Variants in HSD17B11 observed in about 807,000 individuals in gnomAD.
HSD17B11 encodes hydroxysteroid 17-beta dehydrogenase 11, also known as estradiol 17-beta-dehydrogenase 11.
In HSD17B11, 22 loss-of-function variants were observed where a neutral mutation model predicts 27.8. The ratio of observed to expected loss-of-function variants is 0.79; its 90% CI spans 0.56 to 1.13. The LOEUF (loss-of-function observed/expected upper bound fraction) is 1.13, where lower values mean the gene tolerates loss of function less well. Ranked by LOEUF, HSD17B11 falls within the 50% of genes most tolerant of loss-of-function variation. HSD17B11 has a pLI of 0.00. For synonymous variants in HSD17B11, 117 were observed against 132.8 expected, an observed-to-expected ratio of 0.88 and a Z score of 0.82; for missense variants, 314 against 351.1, an observed-to-expected ratio of 0.89 and a Z score of 0.84.
chr4:87,363,895 A>G (rs1218281886), intron 4 of HSD17B11, among the ~76,000 whole-genome samples: 4 of 152,170 alleles, frequency 2.6e-5, no homozygotes, highest in Non-Finnish European at 4.4e-5. Context: ...CCTTCTTCTA[A>G]GCACCTAGGA....
chr4:87,388,156 G>T (rs1578049720), intron 1 of HSD17B11, among the ~76,000 whole-genome samples: 1 of 115,540 alleles, frequency 8.7e-6, no homozygotes, highest in Non-Finnish European at 1.7e-5. Context: ...AATCTTTCTA[G>T]TAGTCACACC....
intron 3 of HSD17B11, 100 bp downstream of exon 3, chr4:87,374,598 AC>A: frequency 1.7e-6 from 2 of 1,144,592 alleles, no homozygotes; most frequent in South Asian, 2.9e-5. Context: ...CCTGGAGAAA[AC>A]TTTAGCATTG....
At chr4:87,377,200 C>T (rs1192427955) in intron 2 of HSD17B11, among the ~76,000 whole-genome samples, 1 of 151,828 alleles carries the variant, frequency 6.6e-6, no homozygotes, top group African/African-American at 2.4e-5. Context: ...ACCTGTAATC[C>T]CAGCACTTTG....
chr4:87,375,862 T>C (rs1402337175), intron 2 of HSD17B11, among the ~76,000 whole-genome samples: 4 of 152,234 alleles, frequency 2.6e-5, no homozygotes, highest in Non-Finnish European at 2.9e-5. Context: ...TTCTGTTCTG[T>C]TGTTCAATCG....
intron 2 of HSD17B11, among the ~76,000 whole-genome samples, chr4:87,380,966 A>G (rs889967949): frequency 6.6e-6 from 1 of 150,734 alleles, no homozygotes; most frequent in South Asian, 2.1e-4. Flanking sequence ...GGATCACTTG[A>G]GGTCAGGAGT....
At chr4:87,387,316 T>C (rs1440232753) in intron 1 of HSD17B11, 1 of 152,228 alleles carries the variant, frequency 6.6e-6, no homozygotes, top group Admixed American at 6.5e-5. Context: ...TAAATTAACA[T>C]ATGGTACATG....
intron 4 of HSD17B11, among the ~76,000 whole-genome samples, chr4:87,359,373 G>C (rs1170038758): frequency 6.6e-6 from 1 of 152,128 alleles, no homozygotes; most frequent in African/African-American, 2.4e-5. Context: ...ATGCATTTTG[G>C]AGTTTTTTGG....
intron 2 of HSD17B11, among the ~76,000 whole-genome samples, chr4:87,380,469 T>C (rs1264688552): frequency 7.5e-5 from 2 of 26,518 alleles, no homozygotes; most frequent in African/African-American, 2.3e-4. Flanking sequence ...CAAGACTGTC[T>C]CAAAAAAAAA....
At chr4:87,360,103 C>T (rs1735477141) in intron 4 of HSD17B11, among the ~76,000 whole-genome samples, 1 of 151,154 alleles carries the variant, frequency 6.6e-6, no homozygotes, top group African/African-American at 2.4e-5. Flanking sequence ...GAATTCTTGC[C>T]TAGCAGTAAT....
At chr4:87,353,516 C>T (rs1241756501) in intron 5 of HSD17B11, among the ~76,000 whole-genome samples, 1 of 152,208 alleles carries the variant, frequency 6.6e-6, no homozygotes, top group African/African-American at 2.4e-5. Flanking sequence ...CAAAGAGGTT[C>T]ATATGTCAGG....
Position 87,337,277 on chromosome 4 carries a change from T to G in HSD17B11, c.902A>C (p.Ter301SerextTer14), listed in dbSNP as rs1166918470. The G allele has an allele frequency of 1.1e-5, 17 of 1,583,690 alleles. No homozygotes were observed. Among genetic ancestry groups the G allele is most frequent in the Non-Finnish European group, 1.3e-5 (15 of 1,153,642 alleles). The change falls in exon 7 of 7, where the codon TAA (stop) becomes TCA (serine). Residue 301 changes from the stop codon to serine, a stop_lost. Transcript: ENST00000358290. ...ATCAGTTTTCAGAAAACTAGGTGCT[T>G]ATTGCGCTTTCATTTTATATCCAAT... ...AVIGYKMKAQ[*>S]
chr4:87,371,488 T>C (rs1436522794), intron 4 of HSD17B11, among the ~76,000 whole-genome samples: 1 of 152,210 alleles, frequency 6.6e-6, no homozygotes, highest in Admixed American at 6.5e-5. Flanking sequence ...TGTTCTATTT[T>C]TTTGACCTGC....
intron 4 of HSD17B11, among the ~76,000 whole-genome samples, chr4:87,369,610 T>G (rs1429348166): frequency 6.6e-6 from 1 of 152,038 alleles, no homozygotes; most frequent in African/African-American, 2.4e-5. Context: ...ATTTAAAATA[T>G]TTTTTGTAGA....
At chr4:87,360,951 T>C (rs1026276108) in intron 4 of HSD17B11, among the ~76,000 whole-genome samples, 8 of 152,238 alleles carry the variant, frequency 5.3e-5, no homozygotes, top group Non-Finnish European at 7.3e-5. Context: ...ATTTTTTCAA[T>C]GCATAACTAT....
chr4:87,378,960 AT>A (rs781211835), intron 2 of HSD17B11, among the ~76,000 whole-genome samples: 5,439 of 25,530 alleles, frequency 0.21, 877 homozygotes, highest in East Asian at 0.31. Context: ...ATATATATAT[AT>A]TTTTTTTTTT....
At chr4:87,372,685 T>G in intron 4 of HSD17B11, 24 bp downstream of exon 4, 1 of 1,408,478 alleles carries the variant, frequency 7.1e-7, no homozygotes, top group Non-Finnish European at 1.0e-6. Context: ...TAAGAACCAA[T>G]GAAGGAAACA....
At chr4:87,370,213 T>C (rs1735681923) in intron 4 of HSD17B11, among the ~76,000 whole-genome samples, 1 of 152,108 alleles carries the variant, frequency 6.6e-6, no homozygotes, top group Non-Finnish European at 1.5e-5. Context: ...TATGATGAAT[T>C]CCACTGGGGC....
chr4:87,384,199 T>A (rs1171790346), intron 1 of HSD17B11, among the ~76,000 whole-genome samples: 1 of 152,224 alleles, frequency 6.6e-6, no homozygotes, highest in Non-Finnish European at 1.5e-5. Context: ...TATGGACATT[T>A]ATCAGTGCCC....
In HSD17B11 at chr4:87,391,089, C is replaced by G. The variant is rs371799533; in HGVS notation, c.-19G>C. ...ATTTCATCCCTTTTGTGGCTGCGAG[C>G]GTTTGGTGTGTTTTTTTTTTTTTTT... On this transcript the variant is annotated 5_prime_UTR_variant, in exon 1 of 7. Coordinates refer to ENST00000358290, the MANE Select transcript of HSD17B11 (RefSeq NM_016245.5). 6.5e-7 allele frequency: 1 copy of G among 1,527,534 alleles called. No homozygotes were observed. Among genetic ancestry groups the G allele is most frequent in the Non-Finnish European group, 8.8e-7 (1 of 1,133,766 alleles). 94.6% of individuals were successfully genotyped at this position (1,527,534 alleles called of 1,614,324 possible).
Sources: gnomAD v4.1 joint callset for allele counts (sites outside exome capture counted in the v4.1 genomes callset) on GRCh38, gnomAD v4.1.1 for gene constraint, MANE v1.5 for transcripts, NCBI Gene and HGNC (gene_info 2026-07-23, HGNC 2026-07-21) for gene names.